Variants in CPS1 observed in about 807,000 individuals in gnomAD.
CPS1 encodes carbamoyl-phosphate synthase [ammonia], mitochondrial.
A neutral mutation model predicts 174.6 loss-of-function variants in CPS1; 109 were observed. That is an observed-to-expected ratio of 0.62 (90% CI 0.53 to 0.73). The LOEUF is 0.73. Among genes scored for constraint, CPS1 ranks in the 30% least tolerant of loss-of-function variants. CPS1 has a pLI of 0.00. For missense variants in CPS1, 1,689 were observed against 1,821.9 expected, an observed-to-expected ratio of 0.93 and a Z score of 1.33; for synonymous variants, 637 against 632.0, an observed-to-expected ratio of 1.01 and a Z score of -0.12.
chr2:210,639,591 C>A (rs13409263), intron 23 of CPS1, among the ~76,000 whole-genome samples: 32,221 of 137,966 alleles, frequency 0.23, 7,719 homozygotes, highest in African/African-American at 0.63. Context: ...CGCAGTCCGG[C>A]CTGGGCGACA....
upstream of CPS1, among the ~76,000 whole-genome samples, chr2:210,555,295 C>A (rs1390847696): frequency 1.3e-5 from 2 of 151,962 alleles, no homozygotes; most frequent in East Asian, 3.9e-4. Context: ...CAACATAATT[C>A]TATGCTTAAA....
chr2:210,581,419 AT>A (rs1390719425), intron 5 of CPS1, among the ~76,000 whole-genome samples: 1 of 152,256 alleles, frequency 6.6e-6, no homozygotes, highest in South Asian at 2.1e-4. Flanking sequence ...ATATTTCTTT[AT>A]CAGTGATGGT....
chr2:210,531,105 G>A (rs1229409662), intron 1 of CPS1, among the ~76,000 whole-genome samples: 1 of 151,960 alleles, frequency 6.6e-6, no homozygotes, highest in Non-Finnish European at 1.5e-5. Context: ...AACTCTCCAG[G>A]ACGTGACTTA....
chr2:210,648,649 CCAT>C, intron 27 of CPS1, 109 bp downstream of exon 27: 1 of 925,670 alleles, frequency 1.1e-6, no homozygotes, highest in South Asian at 1.3e-5. Flanking sequence ...ATTTATAAAT[CCAT>C]TAACAATTTC....
chr2:210,654,189 C>A, intron 29 of CPS1, 87 bp downstream of exon 29: 1 of 1,205,780 alleles, frequency 8.3e-7, no homozygotes, highest in Non-Finnish European at 1.2e-6. Context: ...GGTTAGAATT[C>A]ATAATATCTA....
In CPS1 at chr2:210,606,825, C is replaced by A. The variant is rs1698930545; in HGVS notation, c.2076C>A (p.Gly692=). The A allele has an allele frequency of 1.2e-6, 2 of 1,612,496 alleles. No individual in the cohort carries two copies. The highest frequency in any genetic ancestry group is 1.3e-5 in the African/African-American group (1 of 74,796). The part of the protein sequence containing the change: ...RTSINVVRHL[G]IVGECNIQFA... Reference sequence around the variant, plus strand: ...CAATCAATGTTGTTCGCCACTTGGGCATTGTGGGTGAATGCAACATTCAGT... The same window carrying A: ...CAATCAATGTTGTTCGCCACTTGGGAATTGTGGGTGAATGCAACATTCAGT... Residue 692 remains glycine (G), a synonymous_variant, in exon 18 of 38, where the codon GGC becomes GGA. Transcript: ENST00000233072.
chr2:210,525,937 G>A (rs911899691), intron 1 of CPS1, among the ~76,000 whole-genome samples: 4 of 151,712 alleles, frequency 2.6e-5, no homozygotes, highest in African/African-American at 9.7e-5. Context: ...AATGGCACGT[G>A]CAAGAAAATG....
chr2:210,666,670 C>T (rs78485173), intron 33 of CPS1, among the ~76,000 whole-genome samples: 38,089 of 151,722 alleles, frequency 0.25, 5,880 homozygotes, highest in East Asian at 0.41. Flanking sequence ...GGCTCTGTTC[C>T]GTTCTATTGA....
chr2:210,654,446 T>C (rs996081016), intron 29 of CPS1, among the ~76,000 whole-genome samples: 2 of 152,204 alleles, frequency 1.3e-5, no homozygotes, highest in African/African-American at 4.8e-5. Context: ...CTAATACTTT[T>C]CTTTCTGAAG....
intron 27 of CPS1, among the ~76,000 whole-genome samples, chr2:210,649,466 A>G (rs1210269676): frequency 6.6e-6 from 1 of 152,212 alleles, no homozygotes; most frequent in Non-Finnish European, 1.5e-5. Flanking sequence ...AAATGAAGCA[A>G]CTGAAAGCCC....
chr2:210,623,993 C>A (rs1033874384), intron 21 of CPS1, among the ~76,000 whole-genome samples: 30 of 152,166 alleles, frequency 2.0e-4, no homozygotes, highest in African/African-American at 7.2e-4. Flanking sequence ...AAATCAACAA[C>A]TTTCATCTTA....
chr2:210,619,569 A>G (rs1699434435), intron 21 of CPS1: 1 of 152,042 alleles, frequency 6.6e-6, no homozygotes, highest in African/African-American at 2.4e-5. Flanking sequence ...ATTTGCTTTT[A>G]TATTTTGCAA....
chr2:210,554,097 G>GTA (rs1185689316), upstream of CPS1, among the ~76,000 whole-genome samples: 26 of 142,668 alleles, frequency 1.8e-4, no homozygotes, highest in East Asian at 1.8e-3. Context: ...GTATATGTAT[G>GTA]TATATACACA....
At chr2:210,590,008 C>G (rs1698233959) in intron 7 of CPS1, 98 bp from the exon 8 acceptor site, 3 of 1,500,766 alleles carry the variant, frequency 2.0e-6, no homozygotes, top group Non-Finnish European at 2.8e-6. Context: ...ATTTTTCCTT[C>G]CCTTTAAGGA....
At chr2:210,531,649 A>G (rs1324551232) in intron 1 of CPS1, among the ~76,000 whole-genome samples, 1 of 152,152 alleles carries the variant, frequency 6.6e-6, no homozygotes, top group Admixed American at 6.5e-5. Flanking sequence ...AGTTAATAGT[A>G]GAATGCTCTT....
At chr2:210,657,012 G>C (rs553913088) in intron 30 of CPS1, among the ~76,000 whole-genome samples, 1 of 152,218 alleles carries the variant, frequency 6.6e-6, no homozygotes, top group South Asian at 2.1e-4. Flanking sequence ...CTAGTCTGGG[G>C]ATGGCAGTTA....
At chr2:210,521,901 A>G (rs1229901684) in intron 1 of CPS1, among the ~76,000 whole-genome samples, 1 of 151,848 alleles carries the variant, frequency 6.6e-6, no homozygotes, top group Non-Finnish European at 1.5e-5. Context: ...GTTTATTATA[A>G]ATATCCTTAA....
intron 1 of CPS1, among the ~76,000 whole-genome samples, chr2:210,516,304 G>A (rs75952598): frequency 0.028 from 4,293 of 151,564 alleles, 86 homozygotes; most frequent in Middle Eastern, 0.041. Flanking sequence ...GTTTAAGTTC[G>A]GTTGATGACT....
chr2:210,541,420 A>G (rs1409879351), intron 1 of CPS1, among the ~76,000 whole-genome samples: 3 of 152,170 alleles, frequency 2.0e-5, no homozygotes, highest in South Asian at 2.1e-4. Flanking sequence ...CTTTCTATCT[A>G]TAAGTTAAAG....
Sources: allele counts gnomAD v4.1 joint callset (sites outside exome capture counted in the v4.1 genomes callset), GRCh38; gene constraint gnomAD v4.1.1; transcripts MANE v1.5; gene names NCBI Gene and HGNC (gene_info 2026-07-23, HGNC 2026-07-21).